MED9: variants seen among roughly 807,000 people sequenced by gnomAD.
The protein encoded by MED9 is mediator complex subunit 9, also known as mediator of RNA polymerase II transcription subunit 9.
MED9 carries 8 observed loss-of-function variants against 13.2 expected under a neutral mutation model. That is an observed-to-expected ratio of 0.61 (90% CI 0.36 to 1.10). The LOEUF (loss-of-function observed/expected upper bound fraction) is 1.10. Ranked by LOEUF, MED9 falls within the 50% of genes least tolerant of loss-of-function variation. MED9 has a pLI of 0.02. For missense variants in MED9, 180 were observed against 193.4 expected, an observed-to-expected ratio of 0.93 and a Z score of 0.41; for synonymous variants, 87 against 82.8, an observed-to-expected ratio of 1.05 and a Z score of -0.28.
intron 1 of MED9, 155 bp downstream of exon 1, chr17:17,477,420 C>G: frequency 1.3e-6 from 1 of 768,676 alleles, no homozygotes; most frequent in Admixed American, 3.1e-5. Flanking sequence ...TTCCCAAGAC[C>G]ACAGAGACAT....
In MED9 at chr17:17,491,704, A is replaced by T. The variant is rs962396583; in HGVS notation, c.*209A>T. ...CGCCGGGGGTTCCTCGTGTAGATCC[A>T]TATGTCTAGATGCATAATAACTGGA... On this transcript the variant is annotated 3_prime_UTR_variant, in exon 2 of 2. Transcript: ENST00000268711. 28 of 559,722 alleles carry T rather than the reference A, an allele frequency of 5.0e-5. No individual in the cohort carries two copies. The East Asian group carries it at 8.1e-4, about 16-fold the overall frequency. The allele number at this position is 559,722 out of a possible 1,614,324, so 34.7% of individuals were successfully genotyped here.
intron 1 of MED9, chr17:17,486,222 A>C (rs1162876308): frequency 6.5e-6 from 1 of 154,284 alleles, no homozygotes; most frequent in Non-Finnish European, 1.4e-5. Context: ...TGCTCTCGGC[A>C]CCTCCTCTGC....
At chr17:17,480,653 A>G (rs1597849626) in intron 1 of MED9, among the ~76,000 whole-genome samples, 2 of 152,166 alleles carry the variant, frequency 1.3e-5, no homozygotes, top group South Asian at 4.1e-4. Flanking sequence ...CTCTGTCTCA[A>G]AGAAGAAAGA....
At chr17:17,490,637 G>A (rs906216636) in intron 1 of MED9, among the ~76,000 whole-genome samples, 3 of 152,334 alleles carry the variant, frequency 2.0e-5, no homozygotes, top group African/African-American at 4.8e-5. Flanking sequence ...GAGAGCCTGT[G>A]TCTGCTGAGA....
Position 17,492,964 on chromosome 17 carries a change from C to T in MED9, c.*1469C>T, listed in dbSNP as rs1402236959. The T allele has an allele frequency of 1.3e-5, 2 of 152,194 alleles. No individual in the cohort carries two copies. Among genetic ancestry groups the T allele is most frequent in the African/African-American group, 2.4e-5 (1 of 41,444 alleles). 9.4% of individuals were successfully genotyped at this position (152,194 alleles called of 1,614,324 possible). On this transcript the variant is annotated 3_prime_UTR_variant, in exon 2 of 2. Coordinates refer to ENST00000268711, the MANE Select transcript of MED9 (RefSeq NM_018019.3). ...CTGTGAGACCAGGTCTACCTTGGGA[C>T]TGTTATTTAACTGAATCAGTTATTT...
intron 1 of MED9, among the ~76,000 whole-genome samples, chr17:17,489,149 T>C (rs1905188432): frequency 6.6e-6 from 1 of 152,210 alleles, no homozygotes; most frequent in Non-Finnish European, 1.5e-5. Flanking sequence ...CTCCACCAAC[T>C]AGGGCAGTTG....
intron 1 of MED9, among the ~76,000 whole-genome samples, chr17:17,490,595 AAAGAC>A (rs898692149): frequency 3.5e-4 from 54 of 152,334 alleles, no homozygotes; most frequent in African/African-American, 1.3e-3. Context: ...AACTTGACTC[AAAGAC>A]AAGGACTGTC....
chr17:17,491,487 AAGG>A lies in MED9; in HGVS notation c.436_438del (p.Glu146del), dbSNP rs1567640880. The A allele has an allele frequency of 3.1e-6, 5 of 1,611,142 alleles. No individual in the cohort carries two copies. The African/African-American group carries it at 5.3e-5, about 17-fold the overall frequency. On this transcript the variant is annotated inframe_deletion, in exon 2 of 2. Transcript: ENST00000268711. The stretch of plus-strand genomic sequence containing the variant: ...GAGCCTCTGCATGTTCGAAATCCCC[AAGG>A]AGTAGAGTGAGGCTGACTTCCTTAG...
chr17:17,491,212 G>A, intron 1 of MED9, 67 bp from the exon 2 acceptor site: 2 of 1,405,766 alleles, frequency 1.4e-6, no homozygotes, highest in Non-Finnish European at 2.0e-6. Flanking sequence ...AGCTCTAGGG[G>A]GTGCAGGGCA....
At chr17:17,490,526 G>T (rs1436698582) in intron 1 of MED9, among the ~76,000 whole-genome samples, 1 of 152,188 alleles carries the variant, frequency 6.6e-6, no homozygotes, top group African/African-American at 2.4e-5. Context: ...TTTTCATTGA[G>T]TAGGACCTCT....
Position 17,493,014 on chromosome 17 carries a change from G to A in MED9, c.*1519G>A, listed in dbSNP as rs1905270981. ...TCCTTGAAATTTCACAGTAGTGGGT[G>A]GGCCTGTTTTAAGGCTCTGACAGAT... On this transcript the variant is annotated 3_prime_UTR_variant, in exon 2 of 2. Transcript: ENST00000268711. 6.6e-6 allele frequency: 1 copy of A among 152,198 alleles called. No individual in the cohort carries two copies. Among genetic ancestry groups the A allele is most frequent in the African/African-American group, 2.4e-5 (1 of 41,448 alleles). 9.4% of individuals were successfully genotyped at this position (152,198 alleles called of 1,614,324 possible). A position where few individuals can be genotyped will look rare whatever the true frequency, so the allele number is the denominator to read the frequency against.
chr17:17,488,572 G>C (rs561262811), intron 1 of MED9, among the ~76,000 whole-genome samples: 2 of 152,326 alleles, frequency 1.3e-5, no homozygotes, highest in African/African-American at 4.8e-5. Context: ...GGTGGCTTAC[G>C]CCTGTAATCC....
chr17:17,480,017 G>T (rs985285389), intron 1 of MED9, among the ~76,000 whole-genome samples: 1 of 152,178 alleles, frequency 6.6e-6, no homozygotes, highest in Non-Finnish European at 1.5e-5. Flanking sequence ...TGTTTAAGAA[G>T]CAGGTCCCCA....
At chr17:17,478,097 G>A (rs866426144) in intron 1 of MED9, among the ~76,000 whole-genome samples, 1 of 152,160 alleles carries the variant, frequency 6.6e-6, no homozygotes, top group East Asian at 1.9e-4. Flanking sequence ...CTGGCCTCAA[G>A]CCATCCTCCC....
rs1905062007 is a variant in MED9, at chr17:17,483,204, T to C, written c.224+5939T>C. Among the ~76,000 whole-genome samples, 1 of 152,260 alleles carries C rather than the reference T, an allele frequency of 6.6e-6. No individual in the cohort carries two copies. The highest frequency in any genetic ancestry group is 1.5e-5 in the Non-Finnish European group (1 of 68,044). On this transcript the variant is annotated intron_variant, in intron 1 of 1. Coordinates refer to ENST00000268711, the MANE Select transcript of MED9 (RefSeq NM_018019.3). This position sits in a 1 kb window ranked among gnomAD's most constrained non-coding sequence, Gnocchi z 4.2. ...TTTGAGTATTATAATCAGCATTTAA[T>C]TAGTCTCTTTGCCTTTATGCTTATT...
chr17:17,491,264 G>C lies in MED9; in HGVS notation c.225-15G>C. On this transcript the variant is annotated splice_polypyrimidine_tract_variant and intron_variant, in intron 1 of 1. Transcript: ENST00000268711. ...TATCAAGCTGTGAATGCTAACAGCT[G>C]TTCTTCCCCCACAGCATGGACAAGG... 1.9e-6 allele frequency: 3 copies of C among 1,607,958 alleles called. No homozygotes were observed. The highest frequency in any genetic ancestry group is 2.6e-6 in the Non-Finnish European group (3 of 1,175,954).
chr17:17,486,687 C>G (rs1905136784), intron 1 of MED9: 1 of 155,886 alleles, frequency 6.4e-6, no homozygotes, highest in Non-Finnish European at 1.4e-5. Flanking sequence ...AGCACCACCC[C>G]CTGCTCCAGG....
chr17:17,485,698 CTG>C (rs1905116586), intron 1 of MED9: 1 of 198,676 alleles, frequency 5.0e-6, no homozygotes, highest in Non-Finnish European at 1.0e-5. Context: ...GACTTGGTAA[CTG>C]TGGAGGGAGG....
intron 1 of MED9, among the ~76,000 whole-genome samples, chr17:17,484,820 G>T (rs1282441206): frequency 6.6e-6 from 1 of 152,206 alleles, no homozygotes; most frequent in African/African-American, 2.4e-5. Context: ...AGGCCTTCGC[G>T]AGTCAGCACT....
Sources: gnomAD v4.1 joint callset for allele counts (sites outside exome capture counted in the v4.1 genomes callset) on GRCh38, gnomAD v4.1.1 for gene constraint, Gnocchi (gnomAD v3.1) non-coding constraint, MANE v1.5 for transcripts, NCBI Gene and HGNC (gene_info 2026-07-23, HGNC 2026-07-21) for gene names.